SHISA2: variants seen among roughly 807,000 people sequenced by gnomAD.
SHISA2 encodes shisa family member 2.
In SHISA2, 16 loss-of-function variants were observed where a neutral mutation model predicts 23.8. The ratio of observed to expected loss-of-function variants is 0.67; its 90% CI spans 0.46 to 1.02. The LOEUF is 1.02. Among genes scored for constraint, SHISA2 ranks in the 50% least tolerant of loss-of-function variants. The pLI, the probability that SHISA2 is intolerant of heterozygous loss-of-function variation, is 0.00. For missense variants in SHISA2, 459 were observed against 420.1 expected, an observed-to-expected ratio of 1.09 and a Z score of -0.81; for synonymous variants, 201 against 178.6, an observed-to-expected ratio of 1.13 and a Z score of -1.00.
intron 1 of SHISA2, among the ~76,000 whole-genome samples, chr13:26,048,729 C>T (rs1372641740): frequency 2.0e-5 from 3 of 152,098 alleles, no homozygotes; most frequent in Non-Finnish European, 4.4e-5. Context: ...TTGCTGGAGT[C>T]AGTGTTTTTA....
rs77556088 is a variant in SHISA2 at position 26,046,639 on chromosome 13, G to A, written c.762C>T (p.His254=). The A allele has an allele frequency of 0.021, 33,683 of 1,614,168 alleles. 2,466 individuals are homozygous for A. In the East Asian group the frequency reaches 0.23, roughly 11 times the overall value. The stretch of plus-strand genomic sequence containing the variant: ...GCACAGCTGTCATGGGCACAGAGTC[G>A]TGCTGCACCGTGTACCCCACGTATG... ...HPPYVGYTVQ[H]DSVPMTAVPP... Residue 254 remains histidine (H), a synonymous_variant, in exon 2 of 2, where the codon CAC becomes CAT. Transcript: ENST00000319420.
Position 26,044,727 on chromosome 13 carries a change from A to C in SHISA2, c.*1786T>G, listed in dbSNP as rs1957255353. On this transcript the variant is annotated 3_prime_UTR_variant, in exon 2 of 2. Coordinates refer to ENST00000319420, the MANE Select transcript of SHISA2 (RefSeq NM_001007538.2). The stretch of plus-strand genomic sequence containing the variant: ...ATTATTCAGTCATGAAACAGAATAG[A>C]AAGATGATCGATAGATATCTATAGA... 2 of 152,272 alleles carry C rather than the reference A, an allele frequency of 1.3e-5. No homozygotes were observed. The highest frequency in any genetic ancestry group is 2.9e-5 in the Non-Finnish European group (2 of 68,046). 9.4% of individuals were successfully genotyped at this position (152,272 alleles called of 1,614,324 possible).
At position 26,046,773 on chromosome 13, in the gene SHISA2, C is replaced by A; in HGVS notation, c.628G>T (p.Glu210Ter). 6.2e-7 allele frequency: 1 copy of A among 1,614,208 alleles called. No individual in the cohort carries two copies. Among genetic ancestry groups the A allele is most frequent in the Non-Finnish European group, 8.5e-7 (1 of 1,180,042 alleles). The change falls in exon 2 of 2, where the codon GAA (glutamate) becomes TAA (stop). Residue 210 changes from glutamate to a stop codon, truncating the protein, a stop_gained. Transcript: ENST00000319420. LOFTEE classifies it high-confidence loss of function. ...ACATACACGTTGTTCATGGTCCCTT[C>A]CGGCAAGCAACAGTTGGTCTGTGAC... Reference protein sequence around the residue: ...TRSQTNCCLPEGTMNNVYVNM... With the variant: ...TRSQTNCCLP
chr13:26,051,685 G>C lies in SHISA2; in HGVS notation c.-710C>G, dbSNP rs897182319. ...CGCTCCTGACCCCGGGAACGTCCAG[G>C]ACGCAGGCGAGGGTCCTGCGCGCCC... On this transcript the variant is annotated 5_prime_UTR_variant, in exon 1 of 2. Coordinates refer to ENST00000319420, the MANE Select transcript of SHISA2 (RefSeq NM_001007538.2). 6.6e-6 allele frequency among the ~76,000 whole-genome samples: 1 copy of C among 152,168 alleles called. No individual in the cohort carries two copies. Among genetic ancestry groups the C allele is most frequent in the South Asian group, 2.1e-4 (1 of 4,830 alleles).
At chr13:26,047,091 C>T (rs188139774) in intron 1 of SHISA2, 25 bp from the exon 2 acceptor site, 7 of 1,516,876 alleles carry the variant, frequency 4.6e-6, no homozygotes, top group Admixed American at 4.4e-5. Context: ...AGAAACACAA[C>T]ATTATGATCT....
At position 26,051,673 on chromosome 13, in the gene SHISA2, G is replaced by A. The variant is rs1049378274; in HGVS notation, c.-698C>T. 3.7e-4 allele frequency among the ~76,000 whole-genome samples: 57 copies of A among 152,120 alleles called. No individual in the cohort carries two copies. Among genetic ancestry groups the A allele is most frequent in the African/African-American group, 1.4e-3 (57 of 41,542 alleles). The stretch of plus-strand genomic sequence containing the variant: ...TCGCCGAGGGAGCGCTCCTGACCCC[G>A]GGAACGTCCAGGACGCAGGCGAGGG... On this transcript the variant is annotated 5_prime_UTR_variant, in exon 1 of 2. Coordinates refer to ENST00000319420, the MANE Select transcript of SHISA2 (RefSeq NM_001007538.2).
chr13:26,048,302 C>CAAAT (rs1339583436), intron 1 of SHISA2, among the ~76,000 whole-genome samples: 10 of 152,018 alleles, frequency 6.6e-5, no homozygotes, highest in Non-Finnish European at 1.5e-4. Context: ...GATTCCATCT[C>CAAAT]AAATAAATAA....
intron 1 of SHISA2, 54 bp downstream of exon 1, chr13:26,050,588 C>T (rs1174064296): frequency 5.1e-6 from 7 of 1,366,370 alleles, no homozygotes; most frequent in Non-Finnish European, 5.6e-6. Context: ...AGGTCCCTGA[C>T]GTCCAGGCAA....
At chr13:26,049,075 T>C (rs1337502878) in intron 1 of SHISA2, among the ~76,000 whole-genome samples, 1 of 152,046 alleles carries the variant, frequency 6.6e-6, no homozygotes, top group East Asian at 1.9e-4. Context: ...TATCAAAAAA[T>C]AAATTAATAG....
At chr13:26,047,977 T>C (rs1453193865) in intron 1 of SHISA2, among the ~76,000 whole-genome samples, 1 of 152,196 alleles carries the variant, frequency 6.6e-6, no homozygotes, top group Non-Finnish European at 1.5e-5. Context: ...AATAAAAACC[T>C]TTTGATAAAA....
In SHISA2 at chr13:26,050,949, G is replaced by A; in HGVS notation, c.27C>T (p.Val9=). 8.6e-6 allele frequency: 13 copies of A among 1,517,208 alleles called. No homozygotes were observed. The highest frequency in any genetic ancestry group is 1.1e-5 in the Non-Finnish European group (13 of 1,139,960). The allele number at this position is 1,517,208 out of a possible 1,614,324, so 94.0% of individuals were successfully genotyped here. The change falls in exon 1 of 2, where the codon GTC becomes GTT. Residue 9 remains valine, a synonymous_variant. Coordinates refer to ENST00000319420, the MANE Select transcript of SHISA2 (RefSeq NM_001007538.2). MWGARRSS[V]SSSWNAASLL... is the part of the protein sequence containing the mutation. The stretch of plus-strand genomic sequence containing the variant: ...GCGAAGCGGCGTTCCAGGATGAGGA[G>A]ACGGACGAGCGGCGAGCGCCCCACA...
In SHISA2 at chr13:26,046,649, G is replaced by C; in HGVS notation, c.752C>G (p.Thr251Arg). Residue 251 changes from threonine (T) to arginine (R), a missense_variant, in exon 2 of 2, where the codon ACG becomes AGG. Coordinates refer to ENST00000319420, the MANE Select transcript of SHISA2 (RefSeq NM_001007538.2). ...QYLHPPYVGY[T>R]VQHDSVPMTA... ...CATGGGCACAGAGTCGTGCTGCACC[G>C]TGTACCCCACGTATGGGGGATGCAG... The C allele has an allele frequency of 6.2e-7, 1 of 1,614,238 alleles. No homozygotes were observed. The highest frequency in any genetic ancestry group is 8.5e-7 in the Non-Finnish European group (1 of 1,180,044).
intron 1 of SHISA2, among the ~76,000 whole-genome samples, chr13:26,047,378 A>G (rs139767140): frequency 6.6e-6 from 1 of 152,362 alleles, no homozygotes; most frequent in Non-Finnish European, 1.5e-5. Flanking sequence ...TGGGTTTAAC[A>G]GGTTAAGACA....
At chr13:26,049,931 G>A (rs992113242) in intron 1 of SHISA2, among the ~76,000 whole-genome samples, 2 of 149,386 alleles carry the variant, frequency 1.3e-5, no homozygotes, top group Non-Finnish European at 3.0e-5. Flanking sequence ...CCCCAGGGAG[G>A]CATTCCGGAA....
At chr13:26,048,588 C>A (rs1182787438) in intron 1 of SHISA2, among the ~76,000 whole-genome samples, 2 of 152,130 alleles carry the variant, frequency 1.3e-5, no homozygotes, top group Non-Finnish European at 2.9e-5. Context: ...AGCATAATGC[C>A]AGCCCAGAGT....
chr13:26,050,406 A>T (rs1957293936), intron 1 of SHISA2, among the ~76,000 whole-genome samples: 2 of 152,134 alleles, frequency 1.3e-5, no homozygotes, highest in Admixed American at 1.3e-4. Flanking sequence ...CTGCCTTAGG[A>T]GTGTGATTTT....
At position 26,046,755 on chromosome 13, in the gene SHISA2, C is replaced by G. The variant is rs76381054; in HGVS notation, c.646G>C (p.Val216Leu). 1 of 1,614,096 alleles carries G rather than the reference C, an allele frequency of 6.2e-7. No homozygotes were observed. Among genetic ancestry groups the G allele is most frequent in the Non-Finnish European group, 8.5e-7 (1 of 1,180,054 alleles). ...AAATTCGTGGGCATGTTGACATACA[C>G]GTTGTTCATGGTCCCTTCCGGCAAG... Reference protein sequence around the residue: ...CCLPEGTMNNVYVNMPTNFSV... With the variant: ...CCLPEGTMNNLYVNMPTNFSV... The change falls in exon 2 of 2, where the codon GTG becomes CTG. Residue 216 changes from valine to leucine, a missense_variant. By Grantham distance (32) the Val-to-Leu change is conservative. Coordinates refer to ENST00000319420, the MANE Select transcript of SHISA2 (RefSeq NM_001007538.2).
At chr13:26,047,971 A>G (rs1486603044) in intron 1 of SHISA2, among the ~76,000 whole-genome samples, 1 of 152,214 alleles carries the variant, frequency 6.6e-6, no homozygotes, top group Admixed American at 6.5e-5. Context: ...AGTAAAAATA[A>G]AAACCTTTTG....
rs1957301439 is a variant in SHISA2 at position 26,051,170 on chromosome 13, G to A, written c.-195C>T. ...GTCCAGGAGCTCCTAAGCCATCCCC[G>A]TCCTCAGCCGGTGGCCCGGTCCCCT... On this transcript the variant is annotated 5_prime_UTR_variant, in exon 1 of 2. In the 5' UTR this introduces an upstream ATG that the reference lacks. Coordinates refer to ENST00000319420, the MANE Select transcript of SHISA2 (RefSeq NM_001007538.2). The A allele has an allele frequency of 1.9e-6, 1 of 536,938 alleles. No individual in the cohort carries two copies. Among genetic ancestry groups the A allele is most frequent in the Non-Finnish European group, 3.2e-6 (1 of 312,964 alleles). The allele number at this position is 536,938 out of a possible 1,614,324, so 33.3% of individuals were successfully genotyped here.
Sources: allele counts gnomAD v4.1 joint callset (sites outside exome capture counted in the v4.1 genomes callset), GRCh38; gene constraint gnomAD v4.1.1; transcripts MANE v1.5; gene names NCBI Gene and HGNC (gene_info 2026-07-23, HGNC 2026-07-21).